Variants in AMY1A observed in about 807,000 individuals in gnomAD.
The protein encoded by AMY1A is amylase alpha 1A, also known as alpha-amylase 1A.
Under a neutral mutation model 13.5 loss-of-function variants are expected in AMY1A, and 3 were observed. The ratio of observed to expected loss-of-function variants is 0.22; its 90% CI spans 0.10 to 0.57. AMY1A has a LOEUF of 0.57. Ranked by LOEUF, AMY1A falls within the 20% of genes least tolerant of loss-of-function variation. AMY1A has a pLI of 0.92. For missense variants in AMY1A, 9 were observed against 101.2 expected (o/e 0.09, Z 3.91); for synonymous variants, 3 against 29.4 (o/e 0.10, Z 2.90).
At position 103,660,495 on chromosome 1, in the gene AMY1A, G is replaced by T; in HGVS notation, c.1001+13G>T. 7 of 1,405,358 alleles carry T rather than the reference G, an allele frequency of 5.0e-6. 2 individuals carry two copies. The highest frequency in any genetic ancestry group is 6.7e-6 in the Non-Finnish European group (7 of 1,039,390). 87.1% of individuals were successfully genotyped at this position (1,405,358 alleles called of 1,614,324 possible). A position where few individuals can be genotyped will look rare whatever the true frequency, so the allele number is the denominator to read the frequency against. On this transcript the variant is annotated intron_variant, in intron 7 of 10. Transcript: ENST00000370083. Reference sequence around the variant, plus strand: ...TCTGGGATGCTAGGTAAAAAACCAAGTTCTCTATTTTTTTAACACCTCTTT... The same window carrying T: ...TCTGGGATGCTAGGTAAAAAACCAATTTCTCTATTTTTTTAACACCTCTTT...
intron 8 of AMY1A, among the ~76,000 whole-genome samples, chr1:103,662,208 C>G (rs1240423975): frequency 7.5e-6 from 1 of 132,878 alleles, no homozygotes; most frequent in Non-Finnish European, 1.7e-5. Flanking sequence ...CCTATCTGGG[C>G]AAGCTAGCAA....
At chr1:103,660,543 A>G (rs369158218) in intron 7 of AMY1A, 34 bp from the exon 8 acceptor site, 5 of 1,329,746 alleles carry the variant, frequency 3.8e-6, no homozygotes, top group Non-Finnish European at 4.1e-6. Flanking sequence ...GAATATTGTG[A>G]TATTCTATGA....
chr1:103,660,164 GGT>G (rs1335370464), intron 6 of AMY1A, among the ~76,000 whole-genome samples, 194 bp from the exon 7 acceptor site: 2 of 25,916 alleles, frequency 7.7e-5, no homozygotes, highest in East Asian at 7.3e-4. Context: ...TTGTTTATGA[GGT>G]GTGTGTGTAT....
Position 103,660,778 on chromosome 1 carries a change from A to T in AMY1A, c.1101+102A>T. The T allele has an allele frequency of 8.9e-6, 8 of 898,350 alleles. 1 individual carries two copies. The highest frequency in any genetic ancestry group is 1.2e-5 in the Non-Finnish European group (8 of 640,294). 55.6% of individuals were successfully genotyped at this position (898,350 alleles called of 1,614,324 possible). A position where few individuals can be genotyped will look rare whatever the true frequency, so the allele number is the denominator to read the frequency against. On this transcript the variant is annotated intron_variant, in intron 8 of 10. Transcript: ENST00000370083. ...TATTAAGTGTTTATTTATTCAACAA[A>T]TATTTAATTATTGTAAACCTGATAC...
At position 103,660,402 on chromosome 1, in the gene AMY1A, G is replaced by A. The variant is rs374810253; in HGVS notation, c.921G>A (p.Ala307=). The change falls in exon 7 of 11, where the codon GCG becomes GCA. Residue 307 remains alanine, a synonymous_variant. Transcript: ENST00000370083. ...GGGGTTTCATGCCTTCTGACAGAGC[G>A]CTTGTCTTTGTGGATAACCATGACA... ...EGWGFMPSDR[A]LVFVDNHDNQ... 1.7e-4 allele frequency: 226 copies of A among 1,352,308 alleles called. 42 individuals carry two copies. Among genetic ancestry groups the A allele is most frequent in the East Asian group, 3.2e-4 (13 of 40,790 alleles). The allele number at this position is 1,352,308 out of a possible 1,614,324, so 83.8% of individuals were successfully genotyped here. A position where few individuals can be genotyped will look rare whatever the true frequency, so the allele number is the denominator to read the frequency against.
Position 103,660,409 on chromosome 1 carries a change from T to G in AMY1A, c.928T>G (p.Phe310Val). 7.4e-7 allele frequency: 1 copy of G among 1,360,156 alleles called. No individual in the cohort carries two copies. Among genetic ancestry groups the G allele is most frequent in the Non-Finnish European group, 9.9e-7 (1 of 1,006,760 alleles). 84.3% of individuals were successfully genotyped at this position (1,360,156 alleles called of 1,614,324 possible). A position where few individuals can be genotyped will look rare whatever the true frequency, so the allele number is the denominator to read the frequency against. ...CATGCCTTCTGACAGAGCGCTTGTC[T>G]TTGTGGATAACCATGACAATCAACG... ...GFMPSDRALV[F>V]VDNHDNQRGH... Residue 310 changes from phenylalanine (F) to valine (V), a missense_variant, in exon 7 of 11, where the codon TTT becomes GTT. Physicochemically the swap from Phe to Val is conservative, Grantham distance 50 (BLOSUM62 -1). Transcript: ENST00000370083.
At chr1:103,663,067 CT>C (rs1271727346) in intron 10 of AMY1A, 56 bp downstream of exon 10, 28 of 6,062 alleles carry the variant, frequency 4.6e-3, no homozygotes, top group South Asian at 0.01. Flanking sequence ...TTGGTTTATT[CT>C]TTTTTTTTTC....
At chr1:103,662,111 T>C (rs1653421730) in intron 8 of AMY1A, among the ~76,000 whole-genome samples, 1 of 88,158 alleles carries the variant, frequency 1.1e-5, no homozygotes, top group South Asian at 4.4e-4. Context: ...AAGAAGCCCT[T>C]GCAGGCCAGG....
At chr1:103,662,268 G>T (rs1385841682) in intron 8 of AMY1A, among the ~76,000 whole-genome samples, 1 of 136,750 alleles carries the variant, frequency 7.3e-6, no homozygotes. Context: ...AGCTGGGTGC[G>T]GTGGTGCACA....
At chr1:103,664,021 G>GA (rs1278613795) in intron 10 of AMY1A, among the ~76,000 whole-genome samples, 23 of 22,492 alleles carry the variant, frequency 1.0e-3, no homozygotes, top group Non-Finnish European at 1.4e-3. Flanking sequence ...GTTCAGTTGA[G>GA]AAAAAATTTG....
Position 103,660,496 on chromosome 1 carries a change from T to G in AMY1A, c.1001+14T>G. ...CTGGGATGCTAGGTAAAAAACCAAG[T>G]TCTCTATTTTTTTAACACCTCTTTT... is the stretch of plus-strand genomic sequence containing the variant. On this transcript the variant is annotated intron_variant, in intron 7 of 10. Transcript: ENST00000370083. 1 of 1,405,078 alleles carries G rather than the reference T, an allele frequency of 7.1e-7. No homozygotes were observed. The highest frequency in any genetic ancestry group is 1.9e-4 in the Middle Eastern group (1 of 5,238). The allele number at this position is 1,405,078 out of a possible 1,614,324, so 87.0% of individuals were successfully genotyped here.
intron 8 of AMY1A, among the ~76,000 whole-genome samples, chr1:103,662,144 C>A (rs1653423212): frequency 8.7e-6 from 1 of 114,878 alleles, no homozygotes; most frequent in African/African-American, 2.9e-5. Context: ...CACCTATAAT[C>A]CCAGCACTGT....
Position 103,660,469 on chromosome 1 carries a change from T to A in AMY1A, c.988T>A (p.Phe330Ile), listed in dbSNP as rs770039401. 7.1e-7 allele frequency: 1 copy of A among 1,404,852 alleles called. No individual in the cohort carries two copies. The highest frequency in any genetic ancestry group is 9.6e-7 in the Non-Finnish European group (1 of 1,039,284). The allele number at this position is 1,404,852 out of a possible 1,614,324, so 87.0% of individuals were successfully genotyped here. A position where few individuals can be genotyped will look rare whatever the true frequency, so the allele number is the denominator to read the frequency against. The change falls in exon 7 of 11, where the codon TTC (phenylalanine) becomes ATC (isoleucine). Residue 330 changes from phenylalanine to isoleucine, a missense_variant. Phe to Ile is a conservative substitution (Grantham distance 21). Coordinates refer to ENST00000370083, the MANE Select transcript of AMY1A (RefSeq NM_004038.4). ...CGCTGGAGGAGCCTCTATACTTACC[T>A]TCTGGGATGCTAGGTAAAAAACCAA... Reference protein sequence around the residue: ...HGAGGASILTFWDARLYKMAV... With the variant: ...HGAGGASILTIWDARLYKMAV...
At chr1:103,660,936 T>TA (rs1233607075) in intron 8 of AMY1A, among the ~76,000 whole-genome samples, 1 of 56,836 alleles carries the variant, frequency 1.8e-5, no homozygotes, top group Admixed American at 2.0e-4. Flanking sequence ...AAATAAAAAT[T>TA]AAAAAAACCA....
chr1:103,660,209 G>GTA lies in AMY1A; in HGVS notation c.879-139_879-138dup, dbSNP rs375837042. ...TGAGTGTGTGTTTGTGTGTGTGTGTGTATATATATATATCTTACAGAGTAA... is the reference window on the plus strand; with the variant it reads ...TGAGTGTGTGTTTGTGTGTGTGTGTGTATATATATATATATCTTACAGAGTAA... On this transcript the variant is annotated intron_variant, in intron 6 of 10. Transcript: ENST00000370083. 1.1e-3 allele frequency: 381 copies of GTA among 355,126 alleles called. 1 individual carries two copies. The highest frequency in any genetic ancestry group is 1.5e-3 in the Middle Eastern group (2 of 1,340). 22.0% of individuals were successfully genotyped at this position (355,126 alleles called of 1,614,324 possible).
At chr1:103,660,207 G>GTA (rs1653384876) in intron 6 of AMY1A, among the ~76,000 whole-genome samples, 153 bp from the exon 7 acceptor site, 1 of 35,322 alleles carries the variant, frequency 2.8e-5, no homozygotes, top group Non-Finnish European at 6.3e-5. Context: ...GTGTGTGTGT[G>GTA]TGTATATATA....
intron 8 of AMY1A, among the ~76,000 whole-genome samples, chr1:103,662,318 T>C (rs1239032712): frequency 7.8e-6 from 1 of 128,228 alleles, no homozygotes; most frequent in Admixed American, 8.1e-5. Flanking sequence ...GATGGGAGGT[T>C]CGCTTGAGCC....
Position 103,660,474 on chromosome 1 carries a change from G to A in AMY1A, c.993G>A (p.Trp331Ter). 5 of 1,404,786 alleles carry A rather than the reference G, an allele frequency of 3.6e-6. 1 individual carries two copies. The highest frequency in any genetic ancestry group is 1.9e-5 in the Admixed American group (1 of 53,430). The allele number at this position is 1,404,786 out of a possible 1,614,324, so 87.0% of individuals were successfully genotyped here. Residue 331 changes from tryptophan to a stop codon, truncating the protein, a stop_gained, in exon 7 of 11, where the codon TGG becomes TGA. Transcript: ENST00000370083. LOFTEE classifies it high-confidence loss of function. ...GAGGAGCCTCTATACTTACCTTCTG[G>A]GATGCTAGGTAAAAAACCAAGTTCT... ...GAGGASILTF[W>*]DARLYKMAVG...
chr1:103,663,848 C>CA (rs1428098463), intron 10 of AMY1A, among the ~76,000 whole-genome samples: 1 of 42,884 alleles, frequency 2.3e-5, no homozygotes, highest in African/African-American at 2.5e-4. Context: ...ATGAAAATAC[C>CA]AAAAAAATCT....
Sources: allele counts gnomAD v4.1 joint callset (sites outside exome capture counted in the v4.1 genomes callset), GRCh38; gene constraint gnomAD v4.1.1; transcripts MANE v1.5; gene names NCBI Gene and HGNC (gene_info 2026-07-23, HGNC 2026-07-21).